THSD4: variants seen among roughly 807,000 people sequenced by gnomAD.
THSD4 encodes the protein thrombospondin type 1 domain containing 4, also known as thrombospondin type-1 domain-containing protein 4.
A neutral mutation model predicts 119.0 loss-of-function variants in THSD4; 69 were observed. The observed-to-expected ratio is 0.58, with a 90% CI of 0.48 to 0.71. The LOEUF is 0.71. Among genes scored for constraint, THSD4 ranks in the 30% least tolerant of loss-of-function variants. The pLI is 0.00. For missense variants in THSD4, 1,393 were observed against 1,391.1 expected, an observed-to-expected ratio of 1.00 and a Z score of -0.02; for synonymous variants, 524 against 540.4, an observed-to-expected ratio of 0.97 and a Z score of 0.42.
chr15:71,584,882 A>G (rs1449977152), intron 7 of THSD4, among the ~76,000 whole-genome samples: 10 of 151,896 alleles, frequency 6.6e-5, no homozygotes, highest in Admixed American at 6.6e-4. Context: ...TATCTTCATG[A>G]TTTCCATGAG....
At chr15:71,466,076 G>T (rs903979588) in intron 7 of THSD4, among the ~76,000 whole-genome samples, 3 of 152,064 alleles carry the variant, frequency 2.0e-5, no homozygotes, top group African/African-American at 7.2e-5. Flanking sequence ...GAGGCCGGGC[G>T]CAGTGGCTCA....
chr15:71,385,122 C>G (rs1300158648), intron 6 of THSD4, among the ~76,000 whole-genome samples: 2 of 152,154 alleles, frequency 1.3e-5, no homozygotes, highest in Admixed American at 6.5e-5. Context: ...TGGATCCAAT[C>G]CAATCCTGGA....
chr15:71,382,432 A>G (rs1278619577), intron 6 of THSD4, among the ~76,000 whole-genome samples: 1 of 152,172 alleles, frequency 6.6e-6, no homozygotes, highest in Non-Finnish European at 1.5e-5. Context: ...AATTTTAGCC[A>G]ACTTGATCAC....
intron 8 of THSD4, among the ~76,000 whole-genome samples, chr15:71,700,079 G>A (rs967845104): frequency 6.6e-6 from 1 of 152,146 alleles, no homozygotes; most frequent in Non-Finnish European, 1.5e-5. Flanking sequence ...ATATCACTAT[G>A]AAGGTTCCAG....
At position 71,282,460 on chromosome 15, in the gene THSD4, G is replaced by A. The variant is rs9806183; in HGVS notation, c.1015+25745G>A. ...GGAGATGTGTTACTTGTTTGTAAATGTGAGGTTGATCCTGTAGCTGTCAAC... is the reference window on the plus strand; with the variant it reads ...GGAGATGTGTTACTTGTTTGTAAATATGAGGTTGATCCTGTAGCTGTCAAC... On this transcript the variant is annotated intron_variant, in intron 6 of 17. Transcript: ENST00000261862. Among the ~76,000 whole-genome samples, 586 of 145,038 alleles carry A rather than the reference G, an allele frequency of 4.0e-3. 3 individuals carry two copies. Among genetic ancestry groups the A allele is most frequent in the African/African-American group, 0.015 (564 of 38,074 alleles).
chr15:71,639,822 A>G (rs897025193), intron 7 of THSD4, among the ~76,000 whole-genome samples: 7 of 138,138 alleles, frequency 5.1e-5, no homozygotes, highest in African/African-American at 1.9e-4. Context: ...ACAGCTGTAG[A>G]TGTTTTTATT....
intron 6 of THSD4, among the ~76,000 whole-genome samples, chr15:71,323,737 T>G (rs2045304826): frequency 6.6e-6 from 1 of 152,206 alleles, no homozygotes; most frequent in Non-Finnish European, 1.5e-5. Flanking sequence ...GATCTGACTC[T>G]TAGAAACAGA....
chr15:71,235,181 C>T (rs980420083), intron 4 of THSD4, among the ~76,000 whole-genome samples: 4 of 152,214 alleles, frequency 2.6e-5, no homozygotes, highest in Non-Finnish European at 5.9e-5. Flanking sequence ...GAGTATCTGT[C>T]CACATTTCGG....
chr15:71,600,931 G>T (rs1292240820), intron 7 of THSD4, among the ~76,000 whole-genome samples: 2 of 151,904 alleles, frequency 1.3e-5, no homozygotes, highest in Non-Finnish European at 2.9e-5. Flanking sequence ...ATTTTTAGTA[G>T]ATAGGAGATT....
chr15:71,143,128 A>G (rs953453738), intron 2 of THSD4, among the ~76,000 whole-genome samples: 1 of 152,192 alleles, frequency 6.6e-6, no homozygotes, highest in Non-Finnish European at 1.5e-5. Flanking sequence ...ATTCACATGC[A>G]TGTCAGATAT....
intron 4 of THSD4, among the ~76,000 whole-genome samples, chr15:71,222,980 A>ATAATACACC (rs1222860238): frequency 2.4e-4 from 36 of 152,296 alleles, no homozygotes; most frequent in African/African-American, 8.4e-4. Context: ...GGTGGGAATA[A>ATAATACACC]TAATACACCT....
chr15:71,685,870 T>C (rs1287726660), intron 8 of THSD4, among the ~76,000 whole-genome samples: 1 of 152,206 alleles, frequency 6.6e-6, no homozygotes, highest in African/African-American at 2.4e-5. Flanking sequence ...GTTATGGAAA[T>C]AGGTTTAATC....
chr15:71,137,043 C>T (rs1406954250), intron 1 of THSD4, among the ~76,000 whole-genome samples: 2 of 152,172 alleles, frequency 1.3e-5, no homozygotes, highest in Non-Finnish European at 2.9e-5. Flanking sequence ...GTGACTCATT[C>T]AACCTTCCTG....
chr15:71,325,985 C>A (rs544895474), intron 6 of THSD4, among the ~76,000 whole-genome samples: 2 of 152,276 alleles, frequency 1.3e-5, no homozygotes, highest in Non-Finnish European at 2.9e-5. Context: ...AATCCTCTAA[C>A]AATTTCCACC....
chr15:71,366,400 A>C (rs1269918902), intron 6 of THSD4, among the ~76,000 whole-genome samples: 2 of 152,234 alleles, frequency 1.3e-5, no homozygotes, highest in East Asian at 3.9e-4. Flanking sequence ...GGAGGGAAGA[A>C]GAGCTGCTGC....
chr15:71,140,973 C>T (rs932935020), intron 1 of THSD4, among the ~76,000 whole-genome samples: 1 of 152,228 alleles, frequency 6.6e-6, no homozygotes, highest in Non-Finnish European at 1.5e-5. Flanking sequence ...TTGTATCTGA[C>T]TCTTTTCACT....
chr15:71,454,087 C>A (rs2047303904), intron 7 of THSD4, among the ~76,000 whole-genome samples: 1 of 152,098 alleles, frequency 6.6e-6, no homozygotes, highest in Admixed American at 6.6e-5. Context: ...CAAAACCCAA[C>A]CTCTACTAAA....
rs950577745 is a variant in THSD4 at position 71,730,943 on chromosome 15, G to C, written c.1534-178G>C. 1.2e-5 allele frequency: 7 copies of C among 590,184 alleles called. No homozygotes were observed. In the Admixed American group the frequency reaches 1.7e-4, roughly 14 times the overall value. The allele number at this position is 590,184 out of a possible 1,614,324, so 36.6% of individuals were successfully genotyped here. ...AGTTCTTCATTCTTCAAAAGTAAATGACAAAAAGCCATCCAGGAATAACTT... is the reference window on the plus strand; with the variant it reads ...AGTTCTTCATTCTTCAAAAGTAAATCACAAAAAGCCATCCAGGAATAACTT... On this transcript the variant is annotated intron_variant, in intron 9 of 17. Coordinates refer to ENST00000261862, the MANE Select transcript of THSD4 (RefSeq NM_024817.3).
chr15:71,223,386 T>G (rs1026881823), intron 4 of THSD4, among the ~76,000 whole-genome samples: 2 of 152,212 alleles, frequency 1.3e-5, no homozygotes, highest in African/African-American at 4.8e-5. Flanking sequence ...ATTTCTCTAA[T>G]ATTTATCCCA....
Sources: allele counts gnomAD v4.1 joint callset (sites outside exome capture counted in the v4.1 genomes callset), GRCh38; gene constraint gnomAD v4.1.1; transcripts MANE v1.5; gene names NCBI Gene and HGNC (gene_info 2026-07-23, HGNC 2026-07-21).